Variants in ACTN4 observed in about 807,000 individuals in gnomAD.
The protein encoded by ACTN4 is alpha-actinin-4.
Under a neutral mutation model 114.2 loss-of-function variants are expected in ACTN4, and 18 were observed. That is an observed-to-expected ratio of 0.16 (90% CI 0.11 to 0.23). ACTN4 has a LOEUF of 0.23. ACTN4 is among the 10% of genes least tolerant of loss of function. The pLI, the probability that ACTN4 is intolerant of heterozygous loss-of-function variation, is 1.00. For missense variants in ACTN4, 722 were observed against 1,262.9 expected (o/e 0.57, Z 6.49); for synonymous variants, 515 against 506.3 (o/e 1.02, Z -0.23).
intron 1 of ACTN4, among the ~76,000 whole-genome samples, chr19:38,660,207 C>G (rs1419576459): frequency 6.6e-6 from 1 of 152,180 alleles, no homozygotes; most frequent in African/African-American, 2.4e-5. Context: ...CAGGCATGGG[C>G]CACCGCCCCC....
chr19:38,691,401 C>CAAAAAAAAAA (rs34899917), intron 1 of ACTN4, among the ~76,000 whole-genome samples: 1 of 52,870 alleles, frequency 1.9e-5, no homozygotes, highest in Non-Finnish European at 3.9e-5. Context: ...AACTCCGTCT[C>CAAAAAAAAAA]AAAAAAAAAA....
chr19:38,670,003 G>T (rs1967080201), intron 1 of ACTN4, among the ~76,000 whole-genome samples: 1 of 152,138 alleles, frequency 6.6e-6, no homozygotes, highest in African/African-American at 2.4e-5. Context: ...TTCACTCTTA[G>T]CGCCAATTGG....
At chr19:38,714,713 A>G (rs1968781533) in intron 9 of ACTN4, 152 bp downstream of exon 9, 1 of 857,676 alleles carries the variant, frequency 1.2e-6, no homozygotes, top group East Asian at 2.6e-5. Context: ...GCTGGTGTGT[A>G]CACGACCTCT....
At position 38,710,323 on chromosome 19, in the gene ACTN4, C is replaced by G. The variant is rs1568729634; in HGVS notation, c.800C>G (p.Ala267Gly). ...IMTYVSSFYH[A>G]FSGAQKAETA... ...ACCTATGTGTCCAGCTTCTACCATG[C>G]CTTTTCAGGAGCGCAGAAGGTACCG... The change falls in exon 8 of 21, where the codon GCC becomes GGC. Residue 267 changes from alanine (A) to glycine (G), a missense_variant. Physicochemically the swap from Ala to Gly is moderately conservative, Grantham distance 60. Transcript: ENST00000252699. The G allele has an allele frequency of 6.8e-6, 11 of 1,614,000 alleles. No homozygotes were observed. The highest frequency in any genetic ancestry group is 9.3e-6 in the Non-Finnish European group (11 of 1,179,998).
Position 38,717,793 on chromosome 19 carries a change from G to A in ACTN4, c.1144-134G>A. 2 of 1,225,268 alleles carry A rather than the reference G, an allele frequency of 1.6e-6. No individual in the cohort carries two copies. The highest frequency in any genetic ancestry group is 2.3e-6 in the Non-Finnish European group (2 of 863,310). The allele number at this position is 1,225,268 out of a possible 1,614,324, so 75.9% of individuals were successfully genotyped here. A position where few individuals can be genotyped will look rare whatever the true frequency, so the allele number is the denominator to read the frequency against. On this transcript the variant is annotated intron_variant, in intron 10 of 20. Coordinates refer to ENST00000252699, the MANE Select transcript of ACTN4 (RefSeq NM_004924.6). This position sits in a 1 kb window ranked among gnomAD's most constrained non-coding sequence, Gnocchi z 4.0. Reference sequence around the variant, plus strand: ...TGGGGGGCCCTGTGTAGGCATCCAGGTATAATAGCAAAGCATGACACAGAC... The same window carrying A: ...TGGGGGGCCCTGTGTAGGCATCCAGATATAATAGCAAAGCATGACACAGAC...
chr19:38,726,011 A>G, intron 17 of ACTN4, 108 bp downstream of exon 17: 1 of 1,451,380 alleles, frequency 6.9e-7, no homozygotes, highest in Non-Finnish European at 9.5e-7. Flanking sequence ...GTTGTTTTTC[A>G]CTCTGTTTAA....
At chr19:38,721,727 C>T in intron 12 of ACTN4, 39 bp downstream of exon 12, 1 of 1,606,906 alleles carries the variant, frequency 6.2e-7, no homozygotes, top group South Asian at 1.1e-5. Context: ...ACCTGGCTCT[C>T]ACCACAGCCT....
At chr19:38,670,925 A>C (rs1166127951) in intron 1 of ACTN4, among the ~76,000 whole-genome samples, 3 of 149,898 alleles carry the variant, frequency 2.0e-5, no homozygotes, top group Admixed American at 6.7e-5. Context: ...CCAACTTAAA[A>C]AAAAAAAAAA....
chr19:38,698,950 C>G (rs764981928), intron 1 of ACTN4, among the ~76,000 whole-genome samples: 57 of 152,338 alleles, frequency 3.7e-4, no homozygotes, highest in Admixed American at 6.5e-4. Context: ...CGTAGAAGCC[C>G]CTTGTCCTCC....
rs1478380056 is a variant in ACTN4 at position 38,730,088 on chromosome 19, A to AC, written c.*658dup. ...CTCACGTGTCTCAGATTTTCTAAGAACCAAAAAAAAAAAAGGAAAAAAAAC... is the reference window on the plus strand; with the variant it reads ...CTCACGTGTCTCAGATTTTCTAAGAACCCAAAAAAAAAAAAGGAAAAAAAAC... On this transcript the variant is annotated 3_prime_UTR_variant, in exon 21 of 21. Coordinates refer to ENST00000252699, the MANE Select transcript of ACTN4 (RefSeq NM_004924.6). 1 of 143,042 alleles carries AC rather than the reference A, an allele frequency of 7.0e-6. No individual in the cohort carries two copies. Among genetic ancestry groups the AC allele is most frequent in the Non-Finnish European group, 1.5e-5 (1 of 65,368 alleles). The allele number at this position is 143,042 out of a possible 1,614,324, so 8.9% of individuals were successfully genotyped here.
intron 1 of ACTN4, among the ~76,000 whole-genome samples, chr19:38,695,498 G>C (rs944670899): frequency 6.6e-6 from 1 of 152,026 alleles, no homozygotes; most frequent in Non-Finnish European, 1.5e-5. Flanking sequence ...TCCTCTTCCT[G>C]CCAGGGGGAG....
chr19:38,658,009 T>A (rs959000736), intron 1 of ACTN4, among the ~76,000 whole-genome samples: 2 of 152,118 alleles, frequency 1.3e-5, no homozygotes, highest in South Asian at 4.1e-4. Context: ...TTTTGGGGAG[T>A]GCCCTCATAC....
At chr19:38,691,257 A>G (rs1026503731) in intron 1 of ACTN4, among the ~76,000 whole-genome samples, 3 of 152,002 alleles carry the variant, frequency 2.0e-5, no homozygotes, top group Admixed American at 6.6e-5. Flanking sequence ...CTCTACTAAA[A>G]ATAAAAAATT....
intron 1 of ACTN4, among the ~76,000 whole-genome samples, chr19:38,670,087 T>TC (rs1422206120): frequency 6.6e-6 from 1 of 152,168 alleles, no homozygotes; most frequent in Non-Finnish European, 1.5e-5. Context: ...TCTAACATTT[T>TC]CCTAGCCACC....
chr19:38,669,244 C>T (rs1225650289), intron 1 of ACTN4, among the ~76,000 whole-genome samples: 1 of 152,178 alleles, frequency 6.6e-6, no homozygotes, highest in Non-Finnish European at 1.5e-5. Context: ...CCTTGGCCTC[C>T]CAAAGTGCTG....
At chr19:38,709,360 C>T (rs372891206) in intron 6 of ACTN4, 35 bp from the exon 7 acceptor site, 55 of 1,528,524 alleles carry the variant, frequency 3.6e-5, no homozygotes, top group African/African-American at 2.6e-4. Context: ...CCTGCCCTGA[C>T]GGAGTTCTTG....
chr19:38,684,772 T>TC (rs1036715097), intron 1 of ACTN4, among the ~76,000 whole-genome samples: 15 of 152,146 alleles, frequency 9.9e-5, no homozygotes, highest in Admixed American at 2.0e-4. Flanking sequence ...TTCTCTTCTT[T>TC]CTCTCTCTGT....
At chr19:38,697,194 G>T (rs1282589996) in intron 1 of ACTN4, among the ~76,000 whole-genome samples, 1 of 152,228 alleles carries the variant, frequency 6.6e-6, no homozygotes. Flanking sequence ...CCCCTCTGAG[G>T]ACAGGTGGCC....
At position 38,724,474 on chromosome 19, in the gene ACTN4, A is replaced by G; in HGVS notation, c.1919A>G (p.Glu640Gly). The part of the protein sequence containing the change: ...VPKRDHALLE[E>G]QSKQQSNEHL... ...AAACGGGACCATGCCCTCCTGGAGG[A>G]GCAGAGCAAGCAGCAGTCCAACGAG... The change falls in exon 16 of 21, where the codon GAG (glutamate) becomes GGG (glycine). Residue 640 changes from glutamate to glycine, a missense_variant. Glu to Gly is a moderately conservative substitution (Grantham distance 98). Coordinates refer to ENST00000252699, the MANE Select transcript of ACTN4 (RefSeq NM_004924.6). This position sits in a 1 kb window ranked among gnomAD's most constrained non-coding sequence, Gnocchi z 7.0. 1.2e-6 allele frequency: 2 copies of G among 1,613,496 alleles called. No individual in the cohort carries two copies. The highest frequency in any genetic ancestry group is 1.7e-6 in the Non-Finnish European group (2 of 1,179,980).
Sources: gnomAD v4.1 joint callset for allele counts (sites outside exome capture counted in the v4.1 genomes callset) on GRCh38, gnomAD v4.1.1 for gene constraint, Gnocchi (gnomAD v3.1) non-coding constraint, MANE v1.5 for transcripts, NCBI Gene and HGNC (gene_info 2026-07-23, HGNC 2026-07-21) for gene names.